Variants in RFTN1 observed in about 807,000 individuals in gnomAD.
RFTN1 encodes raftlin.
RFTN1 carries 26 observed loss-of-function variants against 46.5 expected under a neutral mutation model. The ratio of observed to expected loss-of-function variants is 0.56; its 90% confidence interval spans 0.41 to 0.78. The LOEUF is 0.78. Ranked by LOEUF, RFTN1 falls within the 30% of genes least tolerant of loss-of-function variation. RFTN1 has a pLI of 0.00. For synonymous variants in RFTN1, 261 were observed against 284.2 expected (o/e 0.92, Z 0.82); for missense variants, 693 against 718.7 (o/e 0.96, Z 0.41).
chr3:16,482,335 CA>C (rs1171224911), intron 2 of RFTN1, among the ~76,000 whole-genome samples: 2 of 152,216 alleles, frequency 1.3e-5, no homozygotes, highest in East Asian at 3.8e-4. Flanking sequence ...AACAACACAG[CA>C]TAAGACAATG....
In RFTN1 at chr3:16,352,092, G is replaced by A. The variant is rs983730698; in HGVS notation, c.1146+5840C>T. Among the ~76,000 whole-genome samples the A allele has an allele frequency of 6.6e-6, 1 of 152,222 alleles. No homozygotes were observed. Among genetic ancestry groups the A allele is most frequent in the African/African-American group, 2.4e-5 (1 of 41,456 alleles). On this transcript the variant is annotated intron_variant, in intron 7 of 9. Transcript: ENST00000334133. This position sits in a 1 kb window ranked among gnomAD's most constrained non-coding sequence, Gnocchi z 4.6. ...ACATTCAAATAAAATGTGTAAGATA[G>A]GAATCTGATTTGCTTTGGGTCTCTT...
chr3:16,339,159 T>C (rs1441517869), intron 7 of RFTN1: 2 of 152,276 alleles, frequency 1.3e-5, no homozygotes, highest in Admixed American at 6.5e-5. Context: ...CCTAACTTTC[T>C]CTGCCTGGTA....
rs959059503 is a variant in RFTN1, at chr3:16,336,336, C to G, written c.1147-9460G>C. 6.6e-6 allele frequency among the ~76,000 whole-genome samples: 1 copy of G among 152,100 alleles called. No homozygotes were observed. Among genetic ancestry groups the G allele is most frequent in the Non-Finnish European group, 1.5e-5 (1 of 68,006 alleles). ...GATCCCAGTCTAGGGGTGGGGAGAA[C>G]AAGCACATGGTTCCCATCCAGTGGA... is the stretch of plus-strand genomic sequence containing the variant. On this transcript the variant is annotated intron_variant, in intron 7 of 9. Transcript: ENST00000334133. This position sits in a 1 kb window ranked among gnomAD's most constrained non-coding sequence, Gnocchi z 6.0.
chr3:16,420,165 C>T (rs1411357646), intron 3 of RFTN1, among the ~76,000 whole-genome samples: 4 of 152,118 alleles, frequency 2.6e-5, no homozygotes, highest in East Asian at 1.9e-4. Context: ...AACTTTGCCT[C>T]GGTGCTCCCT....
At position 16,429,488 on chromosome 3, in the gene RFTN1, C is replaced by A. The variant is rs62236350; in HGVS notation, c.332+4363G>T. ...CAGAAACATTTCCTTGGTTTCCCTT[C>A]CAGTGAGAGGTGGCATCTCCTTCTC... On this transcript the variant is annotated intron_variant, in intron 3 of 9. Coordinates refer to ENST00000334133, the MANE Select transcript of RFTN1 (RefSeq NM_015150.2). The surrounding 1 kb of genome is among the most constrained non-coding windows in gnomAD (Gnocchi z 6.4). Among the ~76,000 whole-genome samples, 10,728 of 152,278 alleles carry A rather than the reference C, an allele frequency of 0.07. 498 individuals are homozygous for A. The highest frequency in any genetic ancestry group is 0.13 in the Middle Eastern group (39 of 294).
At chr3:16,324,114 T>C (rs917246791) in intron 8 of RFTN1, among the ~76,000 whole-genome samples, 1 of 152,236 alleles carries the variant, frequency 6.6e-6, no homozygotes, top group South Asian at 2.1e-4. Flanking sequence ...TGTTTTTTTT[T>C]TCCCCTGCTT....
chr3:16,434,083 C>A, intron 2 of RFTN1, 46 bp from the exon 3 acceptor site: 1 of 1,480,956 alleles, frequency 6.8e-7, no homozygotes, highest in African/African-American at 1.4e-5. Flanking sequence ...ATCACAACGC[C>A]CACTCAGCCC....
chr3:16,355,772 A>G (rs2072395074), intron 7 of RFTN1, among the ~76,000 whole-genome samples: 1 of 152,250 alleles, frequency 6.6e-6, no homozygotes, highest in African/African-American at 2.4e-5. Context: ...CTGCATTTCT[A>G]ATAACTTCCC....
chr3:16,342,606 T>C lies in RFTN1; in HGVS notation c.1146+15326A>G, dbSNP rs895033519. 6.6e-6 allele frequency among the ~76,000 whole-genome samples: 1 copy of C among 152,196 alleles called. No individual in the cohort carries two copies. The highest frequency in any genetic ancestry group is 2.1e-4 in the South Asian group (1 of 4,832). On this transcript the variant is annotated intron_variant, in intron 7 of 9. Transcript: ENST00000334133. This position sits in a 1 kb window ranked among gnomAD's most constrained non-coding sequence, Gnocchi z 4.0. ...AACATTTTGGGAAAGTGTCCATGGA[T>C]CACTTTTATAAAAATAAAAAAAGTT...
At chr3:16,482,957 ATC>A in intron 2 of RFTN1, 1 of 767,276 alleles carries the variant, frequency 1.3e-6, no homozygotes, top group Non-Finnish European at 2.1e-6. Flanking sequence ...TTGCAGCAGT[ATC>A]AAGGGCTGCT....
At position 16,342,214 on chromosome 3, in the gene RFTN1, C is replaced by A. The variant is rs1387734451; in HGVS notation, c.1147-15338G>T. ...AGTCACTCCCCTTTCCCCCCACCCACCCCGAGGCAACCACGAGTCCACTTT... is the reference window on the plus strand; with the variant it reads ...AGTCACTCCCCTTTCCCCCCACCCAACCCGAGGCAACCACGAGTCCACTTT... On this transcript the variant is annotated intron_variant, in intron 7 of 9. Transcript: ENST00000334133. The surrounding 1 kb of genome is among the most constrained non-coding windows in gnomAD (Gnocchi z 4.0). Among the ~76,000 whole-genome samples, 1 of 152,054 alleles carries A rather than the reference C, an allele frequency of 6.6e-6. No homozygotes were observed.
intron 3 of RFTN1, among the ~76,000 whole-genome samples, chr3:16,419,240 T>C (rs1481981306): frequency 6.6e-6 from 1 of 152,134 alleles, no homozygotes; most frequent in Admixed American, 6.6e-5. Context: ...AACGAGTCTG[T>C]GACTGTGGGC....
chr3:16,504,743 C>T lies in RFTN1; in HGVS notation c.-9+8699G>A, dbSNP rs1361956431. 6.6e-6 allele frequency among the ~76,000 whole-genome samples: 1 copy of T among 152,218 alleles called. No individual in the cohort carries two copies. ...AGAGCTCCCCAGTTCCCTTCCCAGC[C>T]TGCCTGTCTTCTCTCCAGCTCCAGG... On this transcript the variant is annotated intron_variant, in intron 1 of 9. Coordinates refer to ENST00000334133, the MANE Select transcript of RFTN1 (RefSeq NM_015150.2). The surrounding 1 kb of genome is among the most constrained non-coding windows in gnomAD (Gnocchi z 4.4).
chr3:16,483,080 A>G lies in RFTN1; in HGVS notation c.145+10645T>C, dbSNP rs1205487630. The stretch of plus-strand genomic sequence containing the variant: ...AAATGCCATCAACGTCAGTGACTGT[A>G]TGCTCAGTTCTGCTGAAGAGCTGCA... On this transcript the variant is annotated intron_variant, in intron 2 of 9. Coordinates refer to ENST00000334133, the MANE Select transcript of RFTN1 (RefSeq NM_015150.2). The surrounding 1 kb of genome is among the most constrained non-coding windows in gnomAD (Gnocchi z 4.8). 6.6e-6 allele frequency among the ~76,000 whole-genome samples: 1 copy of G among 152,200 alleles called. No homozygotes were observed. Among genetic ancestry groups the G allele is most frequent in the African/African-American group, 2.4e-5 (1 of 41,444 alleles).
chr3:16,345,813 T>TGC lies in RFTN1; in HGVS notation c.1146+12118_1146+12119insGC, dbSNP rs2071638069. On this transcript the variant is annotated intron_variant, in intron 7 of 9. Transcript: ENST00000334133. This position sits in a 1 kb window ranked among gnomAD's most constrained non-coding sequence, Gnocchi z 5.2. The stretch of plus-strand genomic sequence containing the variant: ...CTGTGTGTGTGTGTGTGTGTGTGTG[T>TGC]GTGTGCGCGCGCGCGTGCGCGCACG... Among the ~76,000 whole-genome samples the TGC allele has an allele frequency of 1.2e-5, 1 of 84,690 alleles. No homozygotes were observed. Among genetic ancestry groups the TGC allele is most frequent in the Non-Finnish European group, 2.2e-5 (1 of 44,662 alleles). The allele number at this position is 84,690 out of a possible 152,430, so 55.6% of individuals were successfully genotyped here.
In RFTN1 at chr3:16,356,949, T is replaced by C. The variant is rs112009484; in HGVS notation, c.1146+983A>G. Among the ~76,000 whole-genome samples, 559 of 152,060 alleles carry C rather than the reference T, an allele frequency of 3.7e-3. 8 individuals carry two copies. The highest frequency in any genetic ancestry group is 0.013 in the African/African-American group (542 of 41,498). The stretch of plus-strand genomic sequence containing the variant: ...GGCCAACGTGGTGAAACCCTGTCTT[T>C]ACTAAAAATACAAAAATTAGCTGGG... On this transcript the variant is annotated intron_variant, in intron 7 of 9. Transcript: ENST00000334133. This position sits in a 1 kb window ranked among gnomAD's most constrained non-coding sequence, Gnocchi z 4.9.
chr3:16,482,614 G>A (rs1362959690), intron 2 of RFTN1: 2 of 816,060 alleles, frequency 2.5e-6, no homozygotes, highest in South Asian at 1.4e-5. Context: ...GGCACATTAG[G>A]TAACCTCACT....
chr3:16,348,647 G>A lies in RFTN1; in HGVS notation c.1146+9285C>T, dbSNP rs2071893152. Among the ~76,000 whole-genome samples the A allele has an allele frequency of 6.6e-6, 1 of 152,160 alleles. No individual in the cohort carries two copies. The highest frequency in any genetic ancestry group is 2.4e-5 in the African/African-American group (1 of 41,430). On this transcript the variant is annotated intron_variant, in intron 7 of 9. Coordinates refer to ENST00000334133, the MANE Select transcript of RFTN1 (RefSeq NM_015150.2). The surrounding 1 kb of genome is among the most constrained non-coding windows in gnomAD (Gnocchi z 6.3). ...CTTGATGTGTGGGGCCTCAGCAAAT[G>A]CCCCTTTGCATCCTTGTTCCTGGGC...
In RFTN1 at chr3:16,415,430, T is replaced by TACACACACACACACACACACACACACAC. The variant is rs1553589390; in HGVS notation, c.333-5948_333-5947insGTGTGTGTGTGTGTGTGTGTGTGTGTGT. 2.7e-3 allele frequency among the ~76,000 whole-genome samples: 308 copies of TACACACACACACACACACACACACACAC among 113,170 alleles called. 4 individuals are homozygous for TACACACACACACACACACACACACACAC. Among genetic ancestry groups the TACACACACACACACACACACACACACAC allele is most frequent in the Admixed American group, 4.2e-3 (42 of 9,942 alleles). The allele number at this position is 113,170 out of a possible 152,430, so 74.2% of individuals were successfully genotyped here. A position where few individuals can be genotyped will look rare whatever the true frequency, so the allele number is the denominator to read the frequency against. On this transcript the variant is annotated intron_variant, in intron 3 of 9. Coordinates refer to ENST00000334133, the MANE Select transcript of RFTN1 (RefSeq NM_015150.2). ...TTGAGTATATATATATATATATATATACACACACACACACACATATATACT... is the reference window on the plus strand; with the variant it reads ...TTGAGTATATATATATATATATATATACACACACACACACACACACACACACACACACACACACACACACATATATACT...
Sources: allele counts gnomAD v4.1 joint callset (sites outside exome capture counted in the v4.1 genomes callset), GRCh38; gene constraint gnomAD v4.1.1; non-coding constraint Gnocchi (gnomAD v3.1); transcripts MANE v1.5; gene names NCBI Gene and HGNC (gene_info 2026-07-23, HGNC 2026-07-21).